DTNA: variants seen among roughly 807,000 people sequenced by gnomAD.
The protein encoded by DTNA is dystrobrevin alpha, also known as dystrophin-related protein 3.
DTNA carries 43 observed loss-of-function variants against 100.7 expected under a neutral mutation model. The ratio of observed to expected loss-of-function variants is 0.43; its 90% CI spans 0.33 to 0.55. The LOEUF (loss-of-function observed/expected upper bound fraction) is 0.55. Ranked by LOEUF, DTNA falls within the 20% of genes least tolerant of loss-of-function variation. The pLI, the probability that DTNA is intolerant of heterozygous loss-of-function variation, is 0.04. For missense variants in DTNA, 798 were observed against 953.9 expected, an observed-to-expected ratio of 0.84 and a Z score of 2.15; for synonymous variants, 349 against 347.9, an observed-to-expected ratio of 1.00 and a Z score of -0.04.
At chr18:34,646,685 A>G (rs1329068519) in intron 1 of DTNA, among the ~76,000 whole-genome samples, 1 of 152,102 alleles carries the variant, frequency 6.6e-6, no homozygotes, top group Non-Finnish European at 1.5e-5. Context: ...TGAAGCTACT[A>G]GTTTTATTAT....
intron 17 of DTNA, chr18:34,866,252 C>T (rs1173290229): frequency 1.3e-6 from 2 of 1,592,562 alleles, no homozygotes; most frequent in African/African-American, 2.7e-5. Context: ...AGAAAAAAGT[C>T]ATACTAATTT....
intron 1 of DTNA, among the ~76,000 whole-genome samples, chr18:34,530,619 G>A (rs75816874): frequency 0.014 from 2,082 of 152,060 alleles, 51 homozygotes; most frequent in African/African-American, 0.048. Flanking sequence ...TAAATTAGTG[G>A]GGAATTATCA....
chr18:34,529,622 C>G (rs1192286589), intron 1 of DTNA, among the ~76,000 whole-genome samples: 2 of 152,046 alleles, frequency 1.3e-5, no homozygotes, highest in Non-Finnish European at 2.9e-5. Flanking sequence ...AGACGTTTTC[C>G]CCATGGAGAG....
chr18:34,692,167 G>T (rs2079864806), intron 1 of DTNA, among the ~76,000 whole-genome samples: 1 of 152,122 alleles, frequency 6.6e-6, no homozygotes, highest in South Asian at 2.1e-4. Context: ...ACTAGGGAGG[G>T]TCATATTTTG....
At chr18:34,807,527 A>G (rs978174016) in intron 5 of DTNA, among the ~76,000 whole-genome samples, 1 of 152,208 alleles carries the variant, frequency 6.6e-6, no homozygotes, top group Non-Finnish European at 1.5e-5. Context: ...AAAGGAAAGA[A>G]TAAAGGAAGA....
At chr18:34,665,506 T>C (rs545124350) in intron 1 of DTNA, among the ~76,000 whole-genome samples, 9 of 152,116 alleles carry the variant, frequency 5.9e-5, no homozygotes, top group Non-Finnish European at 1.0e-4. Context: ...ATGTGCCATA[T>C]TGGTGTGCTG....
chr18:34,590,502 G>A (rs966570519), intron 1 of DTNA, among the ~76,000 whole-genome samples: 8 of 152,144 alleles, frequency 5.3e-5, no homozygotes, highest in Non-Finnish European at 1.5e-5. Flanking sequence ...GCTTTTCAGT[G>A]ACCAGGTTCT....
intron 1 of DTNA, among the ~76,000 whole-genome samples, chr18:34,699,967 G>A (rs766755107): frequency 4.5e-4 from 69 of 152,066 alleles, no homozygotes; most frequent in Non-Finnish European, 1.6e-4. Context: ...GTCTCTTTCC[G>A]CCTTTCTCAG....
At chr18:34,829,057 G>A (rs774848959) in intron 10 of DTNA, 3 of 1,614,076 alleles carry the variant, frequency 1.9e-6, no homozygotes, top group Non-Finnish European at 2.5e-6. Flanking sequence ...CGGTGCTTTT[G>A]GTGGATGCGT....
chr18:34,556,330 C>G (rs1157076178), intron 1 of DTNA, among the ~76,000 whole-genome samples: 3 of 152,134 alleles, frequency 2.0e-5, no homozygotes, highest in Non-Finnish European at 4.4e-5. Context: ...CTCCAATTTG[C>G]CAGTCTGTGT....
At chr18:34,851,694 A>T (rs1024358202) in intron 14 of DTNA, 137 bp from the exon 15 acceptor site, 7 of 999,066 alleles carry the variant, frequency 7.0e-6, no homozygotes. Flanking sequence ...ATGGCAATTG[A>T]ATTTTATGTA....
intron 3 of DTNA, among the ~76,000 whole-genome samples, chr18:34,779,178 G>A (rs984223887): frequency 1.3e-5 from 2 of 152,112 alleles, no homozygotes; most frequent in Admixed American, 6.5e-5. Flanking sequence ...TTTCAGATAG[G>A]AGCAAGTAAT....
intron 1 of DTNA, among the ~76,000 whole-genome samples, chr18:34,680,287 A>G (rs763792154): frequency 1.5e-4 from 23 of 152,186 alleles, no homozygotes; most frequent in Non-Finnish European, 3.2e-4. Flanking sequence ...GTCAGAAAAG[A>G]GAAGAGCCTA....
intron 1 of DTNA, among the ~76,000 whole-genome samples, chr18:34,699,383 T>C (rs1442310795): frequency 2.0e-5 from 3 of 152,188 alleles, no homozygotes; most frequent in Non-Finnish European, 4.4e-5. Context: ...AGCCTTTTGT[T>C]TTATTCAGAC....
In DTNA at chr18:34,792,311, A is replaced by G. The variant is rs1218488514; in HGVS notation, c.149-1726A>G. ...TAGCCTGGGAAAAGGGTCTGACTTC[A>G]AAAGACTGTTGGCTAGTTGGCTCAT... On this transcript the variant is annotated intron_variant, in intron 3 of 22. Coordinates refer to ENST00000444659, the MANE Select transcript of DTNA (RefSeq NM_001386795.1). Among the ~76,000 whole-genome samples the G allele has an allele frequency of 3.3e-5, 5 of 152,234 alleles. No individual in the cohort carries two copies. In the East Asian group the frequency reaches 7.7e-4, roughly 23 times the overall value.
At chr18:34,495,830 G>A (rs2039133285) in intron 1 of DTNA, among the ~76,000 whole-genome samples, 2 of 151,422 alleles carry the variant, frequency 1.3e-5, no homozygotes, top group South Asian at 4.2e-4. Flanking sequence ...GGTCTCAATG[G>A]GGTGAGCTCC....
At chr18:34,680,940 G>C (rs1284730431) in intron 1 of DTNA, among the ~76,000 whole-genome samples, 2 of 152,030 alleles carry the variant, frequency 1.3e-5, no homozygotes, top group Non-Finnish European at 2.9e-5. Flanking sequence ...TTTCCAGCCA[G>C]AGCCTCTCCT....
intron 1 of DTNA, among the ~76,000 whole-genome samples, chr18:34,667,279 C>T (rs1191030036): frequency 1.3e-5 from 2 of 152,138 alleles, no homozygotes; most frequent in Non-Finnish European, 1.5e-5. Context: ...ATTTTGTATC[C>T]TGAGACTTTG....
At chr18:34,562,333 A>G (rs1598599236) in intron 1 of DTNA, among the ~76,000 whole-genome samples, 2 of 152,224 alleles carry the variant, frequency 1.3e-5, no homozygotes, top group East Asian at 3.8e-4. Flanking sequence ...ATTTAGAGAC[A>G]CACAAAATAT....
Sources: allele counts gnomAD v4.1 joint callset (sites outside exome capture counted in the v4.1 genomes callset), GRCh38; gene constraint gnomAD v4.1.1; transcripts MANE v1.5; gene names NCBI Gene and HGNC (gene_info 2026-07-23, HGNC 2026-07-21).